The following PARD3B variants were observed in gnomAD, a reference collection of about 807,000 sequenced individuals.
The protein encoded by PARD3B is partitioning defective 3 homolog B.
Under a neutral mutation model 130.2 loss-of-function variants are expected in PARD3B, and 103 were observed. That is an observed-to-expected ratio of 0.79 (90% confidence interval 0.67 to 0.93). The LOEUF (loss-of-function observed/expected upper bound fraction) is 0.93, where lower values mean the gene tolerates loss of function less well. PARD3B is among the 40% of genes least tolerant of loss of function. The pLI is 0.00. For missense variants in PARD3B, 1,609 were observed against 1,499.2 expected, an observed-to-expected ratio of 1.07 and a Z score of -1.21; for synonymous variants, 583 against 553.2, an observed-to-expected ratio of 1.05 and a Z score of -0.76.
At chr2:205,506,061 A>G (rs1004698777) in intron 21 of PARD3B, among the ~76,000 whole-genome samples, 3 of 152,168 alleles carry the variant, frequency 2.0e-5, no homozygotes, top group African/African-American at 4.8e-5. Context: ...CTGGCCGGGC[A>G]CAGTGGCTCA....
intron 19 of PARD3B, among the ~76,000 whole-genome samples, chr2:205,413,411 AT>A (rs2046668349): frequency 6.6e-6 from 1 of 152,138 alleles, no homozygotes; most frequent in East Asian, 1.9e-4. Context: ...TCAGGATCTA[AT>A]ACATTATGTT....
At chr2:204,901,437 T>C (rs925216915) in intron 2 of PARD3B, among the ~76,000 whole-genome samples, 2 of 151,924 alleles carry the variant, frequency 1.3e-5, no homozygotes, top group African/African-American at 4.8e-5. Flanking sequence ...CCAAGGGCTC[T>C]TCAGTCAGCT....
chr2:205,549,902 T>A (rs2052543016), intron 21 of PARD3B, among the ~76,000 whole-genome samples: 1 of 152,170 alleles, frequency 6.6e-6, no homozygotes, highest in South Asian at 2.1e-4. Flanking sequence ...TGGAAATCTG[T>A]ATGCCGCCTA....
At chr2:205,581,856 T>G (rs911858195) in intron 22 of PARD3B, among the ~76,000 whole-genome samples, 1 of 152,176 alleles carries the variant, frequency 6.6e-6, no homozygotes, top group Non-Finnish European at 1.5e-5. Flanking sequence ...TTCAGGCACA[T>G]GAAGGTTATT....
chr2:205,573,276 G>A lies in PARD3B; in HGVS notation c.3260+19873G>A, dbSNP rs1347116229. On this transcript the variant is annotated intron_variant, in intron 22 of 22. Transcript: ENST00000406610. ...GAGAGGCCTGTGAAGGAGCTGAGCTGACCTGTTTGATGCCTGATTAGATGT... is the reference window on the plus strand; with the variant it reads ...GAGAGGCCTGTGAAGGAGCTGAGCTAACCTGTTTGATGCCTGATTAGATGT... 2.0e-5 allele frequency among the ~76,000 whole-genome samples: 3 copies of A among 152,166 alleles called. No homozygotes were observed. In the East Asian group the frequency reaches 5.8e-4, roughly 29 times the overall value.
intron 18 of PARD3B, among the ~76,000 whole-genome samples, chr2:205,374,777 A>G (rs2044973610): frequency 6.6e-6 from 1 of 152,180 alleles, no homozygotes; most frequent in Non-Finnish European, 1.5e-5. Flanking sequence ...TTGGAAATAA[A>G]AAAGATAGAT....
At chr2:205,482,127 A>C (rs1214197555) in intron 20 of PARD3B, among the ~76,000 whole-genome samples, 1 of 152,188 alleles carries the variant, frequency 6.6e-6, no homozygotes, top group African/African-American at 2.4e-5. Flanking sequence ...ATGCGAGGGA[A>C]TAGGATAATC....
At chr2:205,608,807 G>A (rs2055117967) in intron 22 of PARD3B, among the ~76,000 whole-genome samples, 1 of 152,062 alleles carries the variant, frequency 6.6e-6, no homozygotes, top group African/African-American at 2.4e-5. Flanking sequence ...AAAAAAAGAA[G>A]GAATTAAATA....
intron 10 of PARD3B, among the ~76,000 whole-genome samples, chr2:205,152,563 G>T (rs1294631815): frequency 2.6e-5 from 4 of 152,140 alleles, no homozygotes; most frequent in Non-Finnish European, 5.9e-5. Context: ...TGAAGCTTGT[G>T]CATGTGTCAC....
At chr2:205,333,824 GT>G (rs554861328) in intron 18 of PARD3B, among the ~76,000 whole-genome samples, 3 of 150,638 alleles carry the variant, frequency 2.0e-5, no homozygotes, top group South Asian at 4.2e-4. Context: ...TGGTGGGCCT[GT>G]TTTTTTTTCC....
chr2:205,306,404 A>C (rs934191632), intron 18 of PARD3B, among the ~76,000 whole-genome samples: 2 of 152,206 alleles, frequency 1.3e-5, no homozygotes, highest in African/African-American at 4.8e-5. Context: ...TTAACGAAAA[A>C]CACTATTAAA....
intron 21 of PARD3B, among the ~76,000 whole-genome samples, chr2:205,506,032 T>C (rs1382717939): frequency 2.0e-5 from 3 of 152,266 alleles, no homozygotes; most frequent in Admixed American, 1.3e-4. Flanking sequence ...CTGTTACCAC[T>C]GTCATTAAAA....
chr2:204,950,800 A>T (rs1046067070), intron 2 of PARD3B, among the ~76,000 whole-genome samples: 3 of 149,038 alleles, frequency 2.0e-5, no homozygotes, highest in Middle Eastern at 3.2e-3. Flanking sequence ...TGCAGAAGAT[A>T]TCTCATAGGC....
At chr2:205,132,832 C>T (rs766604097) in intron 10 of PARD3B, among the ~76,000 whole-genome samples, 2 of 152,134 alleles carry the variant, frequency 1.3e-5, no homozygotes, top group Non-Finnish European at 2.9e-5. Flanking sequence ...TAACTGTGTG[C>T]AGCTGTTGAC....
intron 4 of PARD3B, among the ~76,000 whole-genome samples, chr2:205,089,701 C>T (rs1022292275): frequency 1.3e-5 from 2 of 152,148 alleles, no homozygotes; most frequent in African/African-American, 4.8e-5. Context: ...TTCCTGAAGT[C>T]AAGGGTAGGA....
chr2:205,070,783 A>G lies in PARD3B; in HGVS notation c.504+23093A>G, dbSNP rs183088608. Among the ~76,000 whole-genome samples the G allele has an allele frequency of 2.1e-3, 323 of 152,304 alleles. 1 individual carries two copies. The highest frequency in any genetic ancestry group is 7.6e-3 in the African/African-American group (314 of 41,568). The stretch of plus-strand genomic sequence containing the variant: ...TGAAACAATAGGTAATCATTTGTGA[A>G]CTAACTTTGTCACTACGTCCAGTTA... On this transcript the variant is annotated intron_variant, in intron 4 of 22. Transcript: ENST00000406610.
chr2:204,642,459 GT>G (rs2035110902), intron 1 of PARD3B, among the ~76,000 whole-genome samples: 1 of 152,176 alleles, frequency 6.6e-6, no homozygotes, highest in Non-Finnish European at 1.5e-5. Flanking sequence ...TGCAGGAAAG[GT>G]TGGTAATTCA....
intron 4 of PARD3B, among the ~76,000 whole-genome samples, chr2:205,100,693 T>G (rs1258159183): frequency 6.6e-6 from 1 of 152,112 alleles, no homozygotes; most frequent in East Asian, 1.9e-4. Flanking sequence ...CCTTACATTT[T>G]TGGAAAATTC....
rs1185142771 is a variant in PARD3B at position 205,280,088 on chromosome 2, G to C, written c.2186-20442G>C. Among the ~76,000 whole-genome samples the C allele has an allele frequency of 2.0e-5, 3 of 152,132 alleles. No individual in the cohort carries two copies. The highest frequency in any genetic ancestry group is 4.4e-5 in the Non-Finnish European group (3 of 68,020). ...GGGTAAAAGAGTCTCTTTGTGTTAG[G>C]ATTTCTTCTGTCTAAAGGTAGGAAT... On this transcript the variant is annotated intron_variant, in intron 16 of 22. Transcript: ENST00000406610. This position sits in a 1 kb window ranked among gnomAD's most constrained non-coding sequence, Gnocchi z 4.7.
Sources: gnomAD v4.1 joint callset for allele counts (sites outside exome capture counted in the v4.1 genomes callset) on GRCh38, gnomAD v4.1.1 for gene constraint, Gnocchi (gnomAD v3.1) non-coding constraint, MANE v1.5 for transcripts, NCBI Gene and HGNC (gene_info 2026-07-23, HGNC 2026-07-21) for gene names.